Variants in CACNA2D4 observed in about 807,000 individuals in gnomAD.
The protein encoded by CACNA2D4 is calcium voltage-gated channel auxiliary subunit alpha2delta 4.
In CACNA2D4, 157 loss-of-function variants were observed where a neutral mutation model predicts 163.8. That is an observed-to-expected ratio of 0.96 (90% CI 0.84 to 1.09). CACNA2D4 has a LOEUF of 1.09. Ranked by LOEUF, CACNA2D4 falls within the 50% of genes least tolerant of loss-of-function variation. The probability of loss-of-function intolerance (pLI) is 0.00; values close to 1 mark genes in which losing one functional copy is unlikely to be tolerated. For synonymous variants in CACNA2D4, 598 were observed against 586.9 expected, an observed-to-expected ratio of 1.02 and a Z score of -0.27; for missense variants, 1,410 against 1,479.9, an observed-to-expected ratio of 0.95 and a Z score of 0.78.
chr12:1,908,072 C>T, intron 4 of CACNA2D4, 35 bp from the exon 5 acceptor site: 2 of 1,586,230 alleles, frequency 1.3e-6, no homozygotes, highest in Non-Finnish European at 1.7e-6. Context: ...GGAGGCGGCC[C>T]GAGCACCGGG....
intron 18 of CACNA2D4, 45 bp from the exon 19 acceptor site, chr12:1,860,251 GC>G: frequency 8.1e-6 from 12 of 1,485,320 alleles, no homozygotes; most frequent in Non-Finnish European, 9.4e-6. Context: ...GAGAAGAGCG[GC>G]CCCCAGCCCC....
chr12:1,884,393 G>T, intron 11 of CACNA2D4, 72 bp from the exon 12 acceptor site: 1 of 1,264,388 alleles, frequency 7.9e-7, no homozygotes, highest in Non-Finnish European at 1.1e-6. Context: ...TTGTTTATAT[G>T]AGTCTTAGAT....
intron 36 of CACNA2D4, 23 bp from the exon 37 acceptor site, chr12:1,795,404 C>A (rs1236584808): frequency 4.4e-6 from 7 of 1,601,910 alleles, no homozygotes; most frequent in Non-Finnish European, 6.0e-6. Context: ...CTGTTAAGGT[C>A]AATATCTCAG....
chr12:1,799,956 G>A lies in CACNA2D4; in HGVS notation c.2974+44C>T, dbSNP rs968199332. 5.7e-6 allele frequency: 9 copies of A among 1,575,940 alleles called. No homozygotes were observed. Among genetic ancestry groups the A allele is most frequent in the Non-Finnish European group, 7.8e-6 (9 of 1,159,164 alleles). On this transcript the variant is annotated intron_variant, in intron 33 of 37. Coordinates refer to ENST00000382722, the MANE Select transcript of CACNA2D4 (RefSeq NM_172364.5). This position sits in a 1 kb window ranked among gnomAD's most constrained non-coding sequence, Gnocchi z 4.7. Reference sequence around the variant, plus strand: ...TGGTCTCACGTTAGTGGACCAAAATGCCACTGCTCTTCAGCACATGGCCCT... The same window carrying A: ...TGGTCTCACGTTAGTGGACCAAAATACCACTGCTCTTCAGCACATGGCCCT...
chr12:1,848,465 G>T (rs1865202449), intron 23 of CACNA2D4, among the ~76,000 whole-genome samples: 1 of 152,154 alleles, frequency 6.6e-6, no homozygotes, highest in Admixed American at 6.5e-5. Context: ...TTCACAAGAG[G>T]CACACACTCT....
At chr12:1,831,563 G>T in intron 26 of CACNA2D4, 2 of 1,540,874 alleles carry the variant, frequency 1.3e-6, no homozygotes, top group Non-Finnish European at 1.8e-6. Context: ...CGAGGGATTG[G>T]GACGATCACC....
chr12:1,860,082 A>G, intron 19 of CACNA2D4, 63 bp downstream of exon 19: 1 of 1,371,802 alleles, frequency 7.3e-7, no homozygotes, highest in South Asian at 1.2e-5. Flanking sequence ...TGCCAACTAA[A>G]TATGAGTTGC....
At chr12:1,836,985 T>A (rs939719515) in intron 26 of CACNA2D4, among the ~76,000 whole-genome samples, 1 of 152,224 alleles carries the variant, frequency 6.6e-6, no homozygotes, top group Non-Finnish European at 1.5e-5. Flanking sequence ...AGTGAGCTCA[T>A]GGCCTGGCAG....
intron 26 of CACNA2D4, among the ~76,000 whole-genome samples, chr12:1,826,434 G>A (rs1485328117): frequency 2.5e-5 from 3 of 118,166 alleles, no homozygotes; most frequent in Non-Finnish European, 3.4e-5. Context: ...GGCACCAGGA[G>A]CCCACTGGAG....
chr12:1,879,042 A>G lies in CACNA2D4; in HGVS notation c.1564-6T>C, dbSNP rs1236933863. 6.2e-7 allele frequency: 1 copy of G among 1,613,332 alleles called. No homozygotes were observed. The highest frequency in any genetic ancestry group is 1.3e-5 in the African/African-American group (1 of 75,038). Reference sequence around the variant, plus strand: ...AGGAGAATGCCATGGGATCGCTGGAAGGAAAGACACAAGGGGTGGGGGAGA... The same window carrying G: ...AGGAGAATGCCATGGGATCGCTGGAGGGAAAGACACAAGGGGTGGGGGAGA... On this transcript the variant is annotated splice_region_variant and splice_polypyrimidine_tract_variant and intron_variant, in intron 14 of 37. Coordinates refer to ENST00000382722, the MANE Select transcript of CACNA2D4 (RefSeq NM_172364.5).
At position 1,834,677 on chromosome 12, in the gene CACNA2D4, G is replaced by A. The variant is rs748953604; in HGVS notation, c.2551+6062C>T. On this transcript the variant is annotated intron_variant, in intron 26 of 37. Transcript: ENST00000382722. The surrounding 1 kb of genome is among the most constrained non-coding windows in gnomAD (Gnocchi z 7.6). ...GCGCCAGCCCCTGATGGGGGACCCC[G>A]AGGGCGAGCACGAGGACCAGAAGCA... The A allele has an allele frequency of 6.2e-6, 10 of 1,601,864 alleles. No individual in the cohort carries two copies. Among genetic ancestry groups the A allele is most frequent in the African/African-American group, 5.3e-5 (4 of 74,878 alleles).
At chr12:1,899,769 A>C (rs1049686249) in intron 6 of CACNA2D4, among the ~76,000 whole-genome samples, 1 of 152,208 alleles carries the variant, frequency 6.6e-6, no homozygotes, top group African/African-American at 2.4e-5. Context: ...ACTTCCAAAT[A>C]TATTCTATGA....
At chr12:1,891,080 CACT>C (rs1413485039) in intron 6 of CACNA2D4, among the ~76,000 whole-genome samples, 1 of 152,190 alleles carries the variant, frequency 6.6e-6, no homozygotes, top group African/African-American at 2.4e-5. Context: ...CCTGGCCCAC[CACT>C]ACTACTACTG....
chr12:1,835,011 G>C, intron 26 of CACNA2D4: 1 of 439,630 alleles, frequency 2.3e-6, no homozygotes, highest in Non-Finnish European at 3.9e-6. Context: ...GTGTGTGCAA[G>C]AGGAGGCTTC....
Position 1,799,410 on chromosome 12 carries a change from G to A in CACNA2D4, c.2995+265C>T, listed in dbSNP as rs142785619. ...CTCATGGCCACCCGGCCACACCACC[G>A]GCTTCCTCTTGGAATCTTACGTGTT... On this transcript the variant is annotated intron_variant, in intron 34 of 37. Transcript: ENST00000382722. The surrounding 1 kb of genome is among the most constrained non-coding windows in gnomAD (Gnocchi z 4.7). 4.5e-4 allele frequency among the ~76,000 whole-genome samples: 68 copies of A among 152,276 alleles called. No individual in the cohort carries two copies. The highest frequency in any genetic ancestry group is 1.6e-3 in the African/African-American group (65 of 41,552).
intron 3 of CACNA2D4, 81 bp downstream of exon 3, chr12:1,912,942 C>T: frequency 1.2e-6 from 1 of 822,500 alleles, no homozygotes; most frequent in Non-Finnish European, 2.1e-6. Context: ...GGATGCAGGG[C>T]CATGACATCG....
intron 6 of CACNA2D4, among the ~76,000 whole-genome samples, chr12:1,888,383 A>G (rs180862908): frequency 1.3e-5 from 2 of 152,328 alleles, no homozygotes; most frequent in African/African-American, 4.8e-5. Flanking sequence ...GAGGACAAGC[A>G]GCATGGCCTC....
At chr12:1,900,990 C>G (rs190607588) in intron 6 of CACNA2D4, among the ~76,000 whole-genome samples, 3 of 152,048 alleles carry the variant, frequency 2.0e-5, no homozygotes, top group Admixed American at 6.6e-5. Flanking sequence ...ATTGAAATAA[C>G]ATAAAGTATT....
rs1863384731 is a variant in CACNA2D4, at chr12:1,802,800, TTTCTA to T, written c.2722-1161_2722-1157del. Among the ~76,000 whole-genome samples, 1 of 152,182 alleles carries T rather than the reference TTTCTA, an allele frequency of 6.6e-6. No homozygotes were observed. Among genetic ancestry groups the T allele is most frequent in the South Asian group, 2.1e-4 (1 of 4,836 alleles). ...CTTTCCTCACCCTCGCTGGGAAGTCTTTCTATTCTAACTTTCCCAGCCAGAACAAG... is the reference window on the plus strand; with the variant it reads ...CTTTCCTCACCCTCGCTGGGAAGTCTTTCTAACTTTCCCAGCCAGAACAAG... On this transcript the variant is annotated intron_variant, in intron 29 of 37. Transcript: ENST00000382722. This position sits in a 1 kb window ranked among gnomAD's most constrained non-coding sequence, Gnocchi z 4.7.
Sources: gnomAD v4.1 joint callset for allele counts (sites outside exome capture counted in the v4.1 genomes callset) on GRCh38, gnomAD v4.1.1 for gene constraint, Gnocchi (gnomAD v3.1) non-coding constraint, MANE v1.5 for transcripts, NCBI Gene and HGNC (gene_info 2026-07-23, HGNC 2026-07-21) for gene names.